SDC2: variants seen among roughly 807,000 people sequenced by gnomAD.
SDC2 encodes syndecan 2.
SDC2 carries 13 observed loss-of-function variants against 22.2 expected under a neutral mutation model. That is an observed-to-expected ratio of 0.59 (90% CI 0.38 to 0.93). The LOEUF is 0.93. Ranked by LOEUF, SDC2 falls within the 40% of genes least tolerant of loss-of-function variation. SDC2 has a pLI of 0.00. For synonymous variants in SDC2, 94 were observed against 92.8 expected (o/e 1.01, Z -0.07); for missense variants, 235 against 246.8 (o/e 0.95, Z 0.32).
At chr8:96,533,341 C>G (rs750590043) in intron 1 of SDC2, among the ~76,000 whole-genome samples, 19 of 152,174 alleles carry the variant, frequency 1.2e-4, no homozygotes, top group Non-Finnish European at 1.5e-5. Flanking sequence ...GCTGATTGGT[C>G]TGTTTTATAG....
intron 1 of SDC2, among the ~76,000 whole-genome samples, chr8:96,567,050 C>T (rs994194108): frequency 3.3e-5 from 5 of 152,144 alleles, no homozygotes; most frequent in African/African-American, 7.2e-5. Flanking sequence ...GATGGGGTTT[C>T]GCCATGTTGG....
intron 1 of SDC2, among the ~76,000 whole-genome samples, chr8:96,527,863 T>C (rs73273510): frequency 0.025 from 3,752 of 152,298 alleles, 154 homozygotes; most frequent in African/African-American, 0.085. Context: ...GATTCTATAG[T>C]TCATTTGGAA....
chr8:96,495,446 G>C (rs1015786837), intron 1 of SDC2, among the ~76,000 whole-genome samples: 1 of 152,224 alleles, frequency 6.6e-6, no homozygotes, highest in African/African-American at 2.4e-5. Context: ...GGCGCCAGGA[G>C]CTCTGTCGGG....
At chr8:96,530,022 G>T (rs1330985304) in intron 1 of SDC2, among the ~76,000 whole-genome samples, 1 of 152,138 alleles carries the variant, frequency 6.6e-6, no homozygotes, top group Non-Finnish European at 1.5e-5. Flanking sequence ...AGATTTAGTG[G>T]CAGGGGCGGG....
chr8:96,550,300 G>A (rs909742354), intron 1 of SDC2, among the ~76,000 whole-genome samples: 2 of 152,130 alleles, frequency 1.3e-5, no homozygotes, highest in Non-Finnish European at 2.9e-5. Flanking sequence ...AAATGCTCAC[G>A]GGAGCATTTT....
intron 1 of SDC2, among the ~76,000 whole-genome samples, chr8:96,512,027 A>T (rs1813335532): frequency 6.6e-6 from 1 of 152,206 alleles, no homozygotes; most frequent in Non-Finnish European, 1.5e-5. Context: ...CTGCTGGTCC[A>T]AGGTGGCCAG....
Position 96,576,384 on chromosome 8 carries a change from G to GGTTTTTTTTT in SDC2, c.61-17096_61-17095insGTTTTTTTTT, listed in dbSNP as rs1554604684. Among the ~76,000 whole-genome samples the GGTTTTTTTTT allele has an allele frequency of 4.0e-3, 206 of 50,984 alleles. 10 individuals are homozygous for GGTTTTTTTTT. Among genetic ancestry groups the GGTTTTTTTTT allele is most frequent in the South Asian group, 9.7e-3 (12 of 1,240 alleles). 33.4% of individuals were successfully genotyped at this position (50,984 alleles called of 152,430 possible). A position where few individuals can be genotyped will look rare whatever the true frequency, so the allele number is the denominator to read the frequency against. ...TGGTAGTTTGTTTTTGTTTTGTTTTGTTTTTTTTTACCAGATTTGCTTTAT... is the reference window on the plus strand; with the variant it reads ...TGGTAGTTTGTTTTTGTTTTGTTTTGGTTTTTTTTTTTTTTTTTTACCAGATTTGCTTTAT... On this transcript the variant is annotated intron_variant, in intron 1 of 4. Transcript: ENST00000302190.
chr8:96,600,334 AGTTT>A (rs1814957048), intron 2 of SDC2, among the ~76,000 whole-genome samples: 1 of 152,190 alleles, frequency 6.6e-6, no homozygotes, highest in Non-Finnish European at 1.5e-5. Context: ...ACAGAGTTGG[AGTTT>A]GTTTGAGTTG....
intron 1 of SDC2, among the ~76,000 whole-genome samples, chr8:96,560,015 A>T (rs1244571287): frequency 6.6e-6 from 1 of 152,192 alleles, no homozygotes; most frequent in African/African-American, 2.4e-5. Context: ...CATCCATTTA[A>T]AAAGTGTCCA....
intron 2 of SDC2, among the ~76,000 whole-genome samples, chr8:96,598,268 AAC>A (rs34606458): frequency 0.2 from 30,840 of 152,072 alleles, 3,715 homozygotes; most frequent in South Asian, 0.36. Context: ...ATTAGGTTTT[AAC>A]ACATGGATTT....
intron 1 of SDC2, among the ~76,000 whole-genome samples, chr8:96,544,518 T>C (rs1367849362): frequency 6.6e-6 from 1 of 152,200 alleles, no homozygotes; most frequent in Non-Finnish European, 1.5e-5. Flanking sequence ...TAGCGATCGC[T>C]CTTTTCTCTC....
At chr8:96,582,430 G>T (rs1359871523) in intron 1 of SDC2, among the ~76,000 whole-genome samples, 1 of 152,098 alleles carries the variant, frequency 6.6e-6, no homozygotes, top group Non-Finnish European at 1.5e-5. Context: ...CTTTGAAATT[G>T]GTGGTCTCGT....
At chr8:96,507,812 T>G (rs1813265046) in intron 1 of SDC2, among the ~76,000 whole-genome samples, 1 of 152,212 alleles carries the variant, frequency 6.6e-6, no homozygotes, top group Non-Finnish European at 1.5e-5. Context: ...AAGTGCTTTT[T>G]TACCCAATTC....
At chr8:96,538,473 G>A (rs1813789247) in intron 1 of SDC2, among the ~76,000 whole-genome samples, 2 of 150,300 alleles carry the variant, frequency 1.3e-5, no homozygotes, top group South Asian at 2.1e-4. Flanking sequence ...GTTGACTGAA[G>A]CTTTTAAAGT....
rs918056040 is a variant in SDC2, at chr8:96,509,643, G to T, written c.60+15312G>T. Among the ~76,000 whole-genome samples the T allele has an allele frequency of 8.3e-5, 8 of 96,352 alleles. 1 individual carries two copies. The highest frequency in any genetic ancestry group is 2.2e-4 in the African/African-American group (7 of 31,352). The allele number at this position is 96,352 out of a possible 152,430, so 63.2% of individuals were successfully genotyped here. ...AGACAATTAAATCAAAATCTATGTG[G>T]TTGGGGTCCAGCTCCCTGTGAAAGC... On this transcript the variant is annotated intron_variant, in intron 1 of 4. Transcript: ENST00000302190.
intron 1 of SDC2, among the ~76,000 whole-genome samples, chr8:96,495,678 C>G (rs1022180018): frequency 5.3e-5 from 8 of 152,184 alleles, no homozygotes; most frequent in African/African-American, 1.4e-4. Flanking sequence ...TCCCTCCCCC[C>G]CTTTTTTGTG....
intron 1 of SDC2, among the ~76,000 whole-genome samples, chr8:96,514,910 C>G (rs563003820): frequency 6.6e-6 from 1 of 152,246 alleles, no homozygotes; most frequent in Admixed American, 6.5e-5. Flanking sequence ...TCTGTGGCCC[C>G]GGGGGTCGGG....
At chr8:96,555,390 A>T (rs1814092914) in intron 1 of SDC2, among the ~76,000 whole-genome samples, 1 of 152,178 alleles carries the variant, frequency 6.6e-6, no homozygotes, top group Non-Finnish European at 1.5e-5. Flanking sequence ...TTCCAACTCC[A>T]ATCAATTAAC....
intron 1 of SDC2, among the ~76,000 whole-genome samples, chr8:96,572,603 C>A (rs2589191): frequency 0.57 from 85,843 of 150,906 alleles, 25,428 homozygotes; most frequent in Non-Finnish European, 0.65. Context: ...TTAAAAAAAA[C>A]AACAAAGGCC....
Sources: gnomAD v4.1 joint callset for allele counts (sites outside exome capture counted in the v4.1 genomes callset) on GRCh38, gnomAD v4.1.1 for gene constraint, MANE v1.5 for transcripts, NCBI Gene and HGNC (gene_info 2026-07-23, HGNC 2026-07-21) for gene names.